The following PCM1 variants were observed in gnomAD, a reference collection of about 807,000 sequenced individuals.
PCM1 encodes pericentriolar material 1, also known as pericentriolar material 1 protein.
In PCM1, 157 loss-of-function variants were observed where a neutral mutation model predicts 241.9. The observed-to-expected ratio is 0.65, with a 90% CI of 0.57 to 0.74. The LOEUF is 0.74. Among genes scored for constraint, PCM1 ranks in the 30% least tolerant of loss-of-function variants. PCM1 has a pLI of 0.00. For synonymous variants in PCM1, 1,085 were observed against 784.9 expected (o/e 1.38, Z -6.39); for missense variants, 3,478 against 2,360.1 (o/e 1.47, Z -9.81).
intron 22 of PCM1, among the ~76,000 whole-genome samples, chr8:17,970,022 C>G (rs924475874): frequency 6.6e-6 from 1 of 152,102 alleles, no homozygotes; most frequent in African/African-American, 2.4e-5. Context: ...AAGCAGTTTG[C>G]TGTTCAATGA....
chr8:17,940,193 T>G lies in PCM1; in HGVS notation c.783+332T>G, dbSNP rs1439749653. ...TTTTTGGTAATTAAAGTGCTGGAAATGAAGGTTTAAATTTTTCTCCCAGTT... is the reference window on the plus strand; with the variant it reads ...TTTTTGGTAATTAAAGTGCTGGAAAGGAAGGTTTAAATTTTTCTCCCAGTT... On this transcript the variant is annotated intron_variant, in intron 6 of 38. Coordinates refer to ENST00000325083, the MANE Select transcript of PCM1 (RefSeq NM_006197.4). 19 of 1,114,184 alleles carry G rather than the reference T, an allele frequency of 1.7e-5. 1 individual carries two copies. In the South Asian group the frequency reaches 2.3e-4, roughly 14 times the overall value. The allele number at this position is 1,114,184 out of a possible 1,614,324, so 69.0% of individuals were successfully genotyped here.
At chr8:17,949,530 T>C (rs1023182384) in intron 7 of PCM1, among the ~76,000 whole-genome samples, 13 of 76,350 alleles carry the variant, frequency 1.7e-4, no homozygotes, top group Non-Finnish European at 2.5e-4. Context: ...AGGATCTTGC[T>C]CTGTCACCCA....
intron 34 of PCM1, among the ~76,000 whole-genome samples, chr8:18,012,190 T>C (rs1433816438): frequency 2.0e-5 from 3 of 152,146 alleles, no homozygotes; most frequent in Non-Finnish European, 1.5e-5. Context: ...TTATACACTG[T>C]TTTTAGTGGT....
intron 24 of PCM1, among the ~76,000 whole-genome samples, chr8:17,984,792 C>G (rs1039952506): frequency 6.6e-6 from 1 of 151,812 alleles, no homozygotes; most frequent in East Asian, 1.9e-4. Flanking sequence ...TAGAGTGATG[C>G]CTAGATTCTG....
intron 13 of PCM1, among the ~76,000 whole-genome samples, chr8:17,958,201 C>T (rs1416284422): frequency 1.1e-4 from 16 of 152,104 alleles, no homozygotes; most frequent in Admixed American, 3.3e-4. Context: ...ATGAGGTAGA[C>T]ATTAAATAGG....
At chr8:17,985,244 TATAAAATGCATATCTTGATATTTTAAG>T (rs1179469770) in intron 24 of PCM1, among the ~76,000 whole-genome samples, 176 bp from the exon 25 acceptor site, 1 of 151,880 alleles carries the variant, frequency 6.6e-6, no homozygotes, top group Non-Finnish European at 1.5e-5. Flanking sequence ...TCATTTTTAG[TATAAAATGCATATCTTGATATTTTAAG>T]ATTTTATTTA....
intron 34 of PCM1, 51 bp downstream of exon 34, chr8:18,011,878 A>T: frequency 6.8e-7 from 1 of 1,475,748 alleles, no homozygotes; most frequent in Non-Finnish European, 9.1e-7. Flanking sequence ...TTAACTAATC[A>T]AACTTCCATC....
chr8:17,998,471 A>C (rs1041545318), intron 29 of PCM1, among the ~76,000 whole-genome samples: 1 of 152,216 alleles, frequency 6.6e-6, no homozygotes, highest in Admixed American at 6.5e-5. Context: ...CTGAATTACC[A>C]GGTGGAGACT....
At position 18,027,799 on chromosome 8, in the gene PCM1, C is replaced by G; in HGVS notation, c.*137C>G. The G allele has an allele frequency of 4.0e-6, 2 of 498,204 alleles. No individual in the cohort carries two copies. The highest frequency in any genetic ancestry group is 3.5e-6 in the Non-Finnish European group (1 of 285,640). The allele number at this position is 498,204 out of a possible 1,614,324, so 30.9% of individuals were successfully genotyped here. On this transcript the variant is annotated 3_prime_UTR_variant, in exon 39 of 39. Coordinates refer to ENST00000325083, the MANE Select transcript of PCM1 (RefSeq NM_006197.4). ...TTTTTTGATAGGTGTGGTCATTTCT[C>G]CCCATGGTAGTTTAAAACATCAGAA...
chr8:17,962,047 G>T lies in PCM1; in HGVS notation c.2336G>T (p.Ser779Ile), dbSNP rs771666779. ...ACPDLQLSAA[S>I]VGNCPTKKYM... ...ATTCCTTTTTAGCTGTCAGCTGCTA[G>T]TGTGGGTAACTGTCCCACCAAAAAA... The change falls in exon 16 of 39, where the codon AGT (serine) becomes ATT (isoleucine). Residue 779 changes from serine (S) to isoleucine (I), a missense_variant. Ser to Ile is a moderately radical substitution (Grantham distance 142). Coordinates refer to ENST00000325083, the MANE Select transcript of PCM1 (RefSeq NM_006197.4). The T allele has an allele frequency of 1.3e-5, 21 of 1,609,782 alleles. No individual in the cohort carries two copies. The highest frequency in any genetic ancestry group is 1.7e-5 in the Non-Finnish European group (20 of 1,177,866).
intron 25 of PCM1, 130 bp downstream of exon 25, chr8:17,985,749 T>G (rs1488965219): frequency 4.8e-6 from 4 of 838,812 alleles, no homozygotes; most frequent in Non-Finnish European, 7.2e-6. Context: ...TTCTTGACAT[T>G]TTATTTAAAA....
chr8:17,973,448 G>A (rs1394935231), intron 23 of PCM1, among the ~76,000 whole-genome samples: 1 of 152,186 alleles, frequency 6.6e-6, no homozygotes, highest in African/African-American at 2.4e-5. Flanking sequence ...GCTAGTTGCG[G>A]TGGCTCATGC....
Position 18,027,896 on chromosome 8 carries a change from T to C in PCM1, c.*234T>C, listed in dbSNP as rs557235847. 2.2e-4 allele frequency: 75 copies of C among 343,382 alleles called. No individual in the cohort carries two copies. Among genetic ancestry groups the C allele is most frequent in the African/African-American group, 1.5e-3 (65 of 42,956 alleles). The allele number at this position is 343,382 out of a possible 1,614,324, so 21.3% of individuals were successfully genotyped here. A position where few individuals can be genotyped will look rare whatever the true frequency, so the allele number is the denominator to read the frequency against. ...TTTTTCCCCCTTCTTTTTTGGGTCT[T>C]CATTTTTTTCCCCATTGTGATGTTT... On this transcript the variant is annotated 3_prime_UTR_variant, in exon 39 of 39. Coordinates refer to ENST00000325083, the MANE Select transcript of PCM1 (RefSeq NM_006197.4).
At chr8:18,006,436 G>C (rs757904430) in intron 30 of PCM1, 39 bp downstream of exon 30, 1 of 1,452,870 alleles carries the variant, frequency 6.9e-7, no homozygotes, top group Non-Finnish European at 9.5e-7. Flanking sequence ...AATATGTACT[G>C]TGTGGTAAGG....
intron 21 of PCM1, among the ~76,000 whole-genome samples, chr8:17,969,212 T>C (rs1036832381): frequency 6.6e-6 from 1 of 152,164 alleles, no homozygotes; most frequent in Admixed American, 6.5e-5. Context: ...CCGTATTTGC[T>C]CACTGGTAAA....
intron 1 of PCM1, among the ~76,000 whole-genome samples, chr8:17,923,509 C>A (rs1331203098): frequency 3.9e-5 from 6 of 152,152 alleles, no homozygotes; most frequent in Admixed American, 3.9e-4. Context: ...CCGGCTATAC[C>A]CCTTGCGGGC....
intron 27 of PCM1, among the ~76,000 whole-genome samples, chr8:17,991,257 A>C (rs1489237598): frequency 6.6e-6 from 1 of 152,190 alleles, no homozygotes; most frequent in Non-Finnish European, 1.5e-5. Flanking sequence ...GAGTTTGATA[A>C]CTAAGTTTAA....
At chr8:17,933,715 C>G (rs116759936) in intron 2 of PCM1, among the ~76,000 whole-genome samples, 4 of 152,116 alleles carry the variant, frequency 2.6e-5, no homozygotes, top group African/African-American at 7.2e-5. Context: ...TTGACGTTCT[C>G]TAGATTTTTA....
Position 17,988,076 on chromosome 8 carries a change from A to T in PCM1, c.4411-1783A>T, listed in dbSNP as rs143407338. ...ATCTGGGAGCTGTAAGTCAAGGAGG[A>T]TGGAGTGGAGACACTGAGGTTTAGG... On this transcript the variant is annotated intron_variant, in intron 26 of 38. Coordinates refer to ENST00000325083, the MANE Select transcript of PCM1 (RefSeq NM_006197.4). Among the ~76,000 whole-genome samples the T allele has an allele frequency of 1.3e-3, 197 of 151,906 alleles. 1 individual carries two copies. The highest frequency in any genetic ancestry group is 4.5e-3 in the African/African-American group (187 of 41,524).
Sources: gnomAD v4.1 joint callset for allele counts (sites outside exome capture counted in the v4.1 genomes callset) on GRCh38, gnomAD v4.1.1 for gene constraint, MANE v1.5 for transcripts, NCBI Gene and HGNC (gene_info 2026-07-23, HGNC 2026-07-21) for gene names.